Variants in APBB3 observed in about 807,000 individuals in gnomAD.
APBB3 encodes amyloid-beta A4 precursor protein-binding family B member 3.
In APBB3, 50 loss-of-function variants were observed where a neutral mutation model predicts 61.5. The ratio of observed to expected loss-of-function variants is 0.81; its 90% CI spans 0.65 to 1.03. The LOEUF (loss-of-function observed/expected upper bound fraction) is 1.03, where lower values mean the gene tolerates loss of function less well. APBB3 is among the 50% of genes least tolerant of loss of function. The probability of loss-of-function intolerance (pLI) is 0.00; values close to 1 mark genes in which losing one functional copy is unlikely to be tolerated. For synonymous variants in APBB3, 235 were observed against 233.0 expected (o/e 1.01, Z -0.08); for missense variants, 550 against 637.4 (o/e 0.86, Z 1.48).
At position 140,558,403 on chromosome 5, in the gene APBB3, G is replaced by T; in HGVS notation, c.*182C>A. The T allele has an allele frequency of 1.4e-6, 1 of 738,774 alleles. No individual in the cohort carries two copies. Among genetic ancestry groups the T allele is most frequent in the Non-Finnish European group, 2.4e-6 (1 of 418,614 alleles). 45.8% of individuals were successfully genotyped at this position (738,774 alleles called of 1,614,324 possible). A position where few individuals can be genotyped will look rare whatever the true frequency, so the allele number is the denominator to read the frequency against. On this transcript the variant is annotated 3_prime_UTR_variant, in exon 13 of 13. Transcript: ENST00000357560. The stretch of plus-strand genomic sequence containing the variant: ...AGGGGAGCCAGGGTCCTACGTTGTG[G>T]TGCAGTGCCTCCCAGTCATCCGTAT...
rs981487196 is a variant in APBB3, at chr5:140,563,495, G to A, written c.290+99C>T. 4.9e-6 allele frequency: 7 copies of A among 1,418,746 alleles called. No homozygotes were observed. In the African/African-American group the frequency reaches 9.9e-5, roughly 20 times the overall value. The allele number at this position is 1,418,746 out of a possible 1,614,324, so 87.9% of individuals were successfully genotyped here. On this transcript the variant is annotated intron_variant, in intron 3 of 12. Transcript: ENST00000357560. Reference sequence around the variant, plus strand: ...GTAACAGAACCCAAAACATGTGACAGAATCCAGAACCTGGGCTGGAAAGCA... The same window carrying A: ...GTAACAGAACCCAAAACATGTGACAAAATCCAGAACCTGGGCTGGAAAGCA...
Position 140,564,375 on chromosome 5 carries a change from T to TACGGGGCGGTAC in APBB3, c.-131_-130insGTACCGCCCCGT. ...GCGGGGCCAGCTGGCGCCGCACAAATACGGGGCGGGACACGGGGCGGGACA... is the reference window on the plus strand; with the variant it reads ...GCGGGGCCAGCTGGCGCCGCACAAATACGGGGCGGTACACGGGGCGGGACACGGGGCGGGACA... On this transcript the variant is annotated 5_prime_UTR_variant, in exon 1 of 13. Transcript: ENST00000357560. The surrounding 1 kb of genome is among the most constrained non-coding windows in gnomAD (Gnocchi z 5.0). 1 of 1,039,500 alleles carries TACGGGGCGGTAC rather than the reference T, an allele frequency of 9.6e-7. No homozygotes were observed. The highest frequency in any genetic ancestry group is 1.7e-5 in the African/African-American group (1 of 59,858). 64.4% of individuals were successfully genotyped at this position (1,039,500 alleles called of 1,614,324 possible). A position where few individuals can be genotyped will look rare whatever the true frequency, so the allele number is the denominator to read the frequency against.
chr5:140,563,744 C>CT lies in APBB3; in HGVS notation c.213+7dup, dbSNP rs560887843. 1,819 of 1,614,120 alleles carry CT rather than the reference C, an allele frequency of 1.1e-3. 7 individuals carry two copies. The highest frequency in any genetic ancestry group is 3.0e-3 in the South Asian group (275 of 91,080). ...TGGGCTCAGACCTCCTCCTCACACTCTACCTACCGTGCCTGGGTCCTCTGC... is the reference window on the plus strand; with the variant it reads ...TGGGCTCAGACCTCCTCCTCACACTCTTACCTACCGTGCCTGGGTCCTCTGC... On this transcript the variant is annotated splice_region_variant and intron_variant, in intron 2 of 12. Coordinates refer to ENST00000357560, the MANE Select transcript of APBB3 (RefSeq NM_133173.3).
chr5:140,560,855 G>A lies in APBB3; in HGVS notation c.917-101C>T, dbSNP rs1454420952. 1.4e-6 allele frequency: 2 copies of A among 1,389,528 alleles called. No homozygotes were observed. The highest frequency in any genetic ancestry group is 2.0e-6 in the Non-Finnish European group (2 of 991,192). The allele number at this position is 1,389,528 out of a possible 1,614,324, so 86.1% of individuals were successfully genotyped here. On this transcript the variant is annotated intron_variant, in intron 10 of 12. Transcript: ENST00000357560. This position sits in a 1 kb window ranked among gnomAD's most constrained non-coding sequence, Gnocchi z 5.1. ...ATTTGGGATTCAGAGATAGGGAATA[G>A]GATAGCTGGGGCAAGCCTTAGAATT... is the stretch of plus-strand genomic sequence containing the variant.
chr5:140,560,184 C>A lies in APBB3; in HGVS notation c.1224+129G>T. ...AACTTACTAAAAACAACATGAGGGC[C>A]AAAACATTAATGAACCAGAATCAGC... is the stretch of plus-strand genomic sequence containing the variant. On this transcript the variant is annotated intron_variant, in intron 12 of 12. Transcript: ENST00000357560. This position sits in a 1 kb window ranked among gnomAD's most constrained non-coding sequence, Gnocchi z 5.1. 9.5e-7 allele frequency: 1 copy of A among 1,049,104 alleles called. No homozygotes were observed. Among genetic ancestry groups the A allele is most frequent in the Non-Finnish European group, 1.4e-6 (1 of 731,466 alleles). The allele number at this position is 1,049,104 out of a possible 1,614,324, so 65.0% of individuals were successfully genotyped here.
In APBB3 at chr5:140,560,614, C is replaced by T. The variant is rs1179757981; in HGVS notation, c.1032+25G>A. ...GCATCCCTGCTCACCCCTCCAAAGC[C>T]CCCAACTTCACCCTCTTCTGGTACC... On this transcript the variant is annotated intron_variant, in intron 11 of 12. Coordinates refer to ENST00000357560, the MANE Select transcript of APBB3 (RefSeq NM_133173.3). The surrounding 1 kb of genome is among the most constrained non-coding windows in gnomAD (Gnocchi z 5.1). 6.2e-7 allele frequency: 1 copy of T among 1,612,964 alleles called. No homozygotes were observed. The highest frequency in any genetic ancestry group is 2.2e-5 in the East Asian group (1 of 44,844).
intron 3 of APBB3, 93 bp downstream of exon 3, chr5:140,563,501 A>G: frequency 6.8e-7 from 1 of 1,472,776 alleles, no homozygotes; most frequent in African/African-American, 1.4e-5. Flanking sequence ...GACAGAATCC[A>G]GAACCTGGGC....
intron 12 of APBB3, 132 bp from the exon 13 acceptor site, chr5:140,558,953 C>G (rs1006009095): frequency 5.1e-6 from 4 of 779,106 alleles, no homozygotes; most frequent in Non-Finnish European, 8.8e-6. Context: ...TGTGGAGTTT[C>G]TAGAGCATTC....
In APBB3 at chr5:140,561,421, C is replaced by A; in HGVS notation, c.776G>T (p.Gly259Val). ...GTCTGGGGAGCAGCAAGAGGCATCA[C>A]CACTGACCTCTACTCGCTCTGACAA... ...QILSERVEVS[G>V]DASCCSPDPI... is the part of the protein sequence containing the mutation. The change falls in exon 9 of 13, where the codon GGT (glycine) becomes GTT (valine). Residue 259 changes from glycine (G) to valine (V), a missense_variant. Physicochemically the swap from Gly to Val is moderately radical, Grantham distance 109. Around this residue, in one of 3 missense-constraint regions of APBB3, gnomAD observed 405 missense variants for 483.4 expected, o/e 0.84. Transcript: ENST00000357560. The A allele has an allele frequency of 1.2e-6, 2 of 1,614,194 alleles. No individual in the cohort carries two copies. The highest frequency in any genetic ancestry group is 1.7e-6 in the Non-Finnish European group (2 of 1,180,040).
Position 140,564,514 on chromosome 5 carries a change from G to A in APBB3, c.-269C>T. 1 of 564,042 alleles carries A rather than the reference G, an allele frequency of 1.8e-6. No individual in the cohort carries two copies. Among genetic ancestry groups the A allele is most frequent in the Non-Finnish European group, 3.1e-6 (1 of 319,058 alleles). 34.9% of individuals were successfully genotyped at this position (564,042 alleles called of 1,614,324 possible). A position where few individuals can be genotyped will look rare whatever the true frequency, so the allele number is the denominator to read the frequency against. ...TGTTTCCGTGTGTGGGTCCGGGGGAGGCCCACGAACGCCAGCGAAACCGCT... is the reference window on the plus strand; with the variant it reads ...TGTTTCCGTGTGTGGGTCCGGGGGAAGCCCACGAACGCCAGCGAAACCGCT... On this transcript the variant is annotated 5_prime_UTR_variant, in exon 1 of 13. Transcript: ENST00000357560. The surrounding 1 kb of genome is among the most constrained non-coding windows in gnomAD (Gnocchi z 5.0).
chr5:140,562,534 G>A, intron 4 of APBB3, 35 bp from the exon 5 acceptor site: 1 of 1,612,766 alleles, frequency 6.2e-7, no homozygotes, highest in South Asian at 1.1e-5. Flanking sequence ...GAATTAATAA[G>A]GATGGAGTAG....
chr5:140,560,199 C>G lies in APBB3; in HGVS notation c.1224+114G>C, dbSNP rs1012509818. The G allele has an allele frequency of 1.7e-6, 2 of 1,210,928 alleles. No individual in the cohort carries two copies. Among genetic ancestry groups the G allele is most frequent in the Non-Finnish European group, 2.3e-6 (2 of 869,668 alleles). The allele number at this position is 1,210,928 out of a possible 1,614,324, so 75.0% of individuals were successfully genotyped here. ...ACATGAGGGCCAAAACATTAATGAA[C>G]CAGAATCAGCCCAGGTTTGTGATCT... On this transcript the variant is annotated intron_variant, in intron 12 of 12. Transcript: ENST00000357560. This position sits in a 1 kb window ranked among gnomAD's most constrained non-coding sequence, Gnocchi z 5.1.
chr5:140,561,197 G>A lies in APBB3; in HGVS notation c.833-96C>T, dbSNP rs983163071. On this transcript the variant is annotated intron_variant, in intron 9 of 12. Transcript: ENST00000357560. ...CAGGACTCAGGTCAGAGCTGGTGCT[G>A]GTAGAAGAAATGGCTCATAGATGCT... The A allele has an allele frequency of 4.0e-6, 6 of 1,507,314 alleles. No individual in the cohort carries two copies. In the African/African-American group the frequency reaches 8.2e-5, roughly 21 times the overall value. The allele number at this position is 1,507,314 out of a possible 1,614,324, so 93.4% of individuals were successfully genotyped here. A position where few individuals can be genotyped will look rare whatever the true frequency, so the allele number is the denominator to read the frequency against.
chr5:140,559,831 C>T lies in APBB3; in HGVS notation c.1224+482G>A, dbSNP rs922590547. Among the ~76,000 whole-genome samples the T allele has an allele frequency of 3.3e-5, 5 of 152,282 alleles. 1 individual carries two copies. The South Asian group carries it at 8.3e-4, about 25-fold the overall frequency. ...CCTAAGTGTTTTGTGAAGGCAAGGG[C>T]TGTGCCCTCTACAGCACTAAATTCT... On this transcript the variant is annotated intron_variant, in intron 12 of 12. Transcript: ENST00000357560.
chr5:140,561,954 G>A, intron 6 of APBB3, 105 bp from the exon 7 acceptor site: 1 of 1,611,350 alleles, frequency 6.2e-7, no homozygotes, highest in Non-Finnish European at 8.5e-7. Context: ...AACCAGGGCT[G>A]GACCAGGCAG....
At position 140,561,192 on chromosome 5, in the gene APBB3, G is replaced by T. The variant is rs1490483155; in HGVS notation, c.833-91C>A. ...TGGGCCAGGACTCAGGTCAGAGCTG[G>T]TGCTGGTAGAAGAAATGGCTCATAG... is the stretch of plus-strand genomic sequence containing the variant. On this transcript the variant is annotated intron_variant, in intron 9 of 12. Transcript: ENST00000357560. 10 of 1,521,964 alleles carry T rather than the reference G, an allele frequency of 6.6e-6. No individual in the cohort carries two copies. In the Admixed American group the frequency reaches 8.5e-5, roughly 13 times the overall value. 94.3% of individuals were successfully genotyped at this position (1,521,964 alleles called of 1,614,324 possible). A position where few individuals can be genotyped will look rare whatever the true frequency, so the allele number is the denominator to read the frequency against.
intron 3 of APBB3, chr5:140,563,329 C>T (rs939222109): frequency 1.5e-5 from 8 of 535,718 alleles, no homozygotes; most frequent in African/African-American, 1.3e-4. Context: ...GACCCTAGAA[C>T]AGAGGACTTA....
At chr5:140,561,821 C>T (rs1754967863) in intron 7 of APBB3, 23 bp downstream of exon 7, 1 of 1,613,834 alleles carries the variant, frequency 6.2e-7, no homozygotes, top group Non-Finnish European at 8.5e-7. Context: ...GGATGGGGCT[C>T]AGGATACCTG....
chr5:140,564,037 C>T lies in APBB3; in HGVS notation c.50-122G>A. 6.8e-7 allele frequency: 1 copy of T among 1,466,816 alleles called. No homozygotes were observed. Among genetic ancestry groups the T allele is most frequent in the East Asian group, 2.4e-5 (1 of 42,028 alleles). The allele number at this position is 1,466,816 out of a possible 1,614,324, so 90.9% of individuals were successfully genotyped here. ...GTTCTTAGGCTGAAGATCCAGGCTC[C>T]TCAATCTTGAAGACATCACATGTAA... On this transcript the variant is annotated intron_variant, in intron 1 of 12. Transcript: ENST00000357560. The surrounding 1 kb of genome is among the most constrained non-coding windows in gnomAD (Gnocchi z 5.0).
Sources: allele counts gnomAD v4.1 joint callset (sites outside exome capture counted in the v4.1 genomes callset), GRCh38; gene constraint gnomAD v4.1.1; regional missense constraint gnomAD v4.1.1; non-coding constraint Gnocchi (gnomAD v3.1); transcripts MANE v1.5; gene names NCBI Gene and HGNC (gene_info 2026-07-23, HGNC 2026-07-21).